CHN2: variants seen among roughly 807,000 people sequenced by gnomAD.
The protein encoded by CHN2 is chimerin 2.
Under a neutral mutation model 56.3 loss-of-function variants are expected in CHN2, and 35 were observed. The ratio of observed to expected loss-of-function variants is 0.62; its 90% CI spans 0.47 to 0.82. The LOEUF is 0.82. Ranked by LOEUF, CHN2 falls within the 40% of genes least tolerant of loss-of-function variation. The pLI, the probability that CHN2 is intolerant of heterozygous loss-of-function variation, is 0.00. For synonymous variants in CHN2, 210 were observed against 212.8 expected (o/e 0.99, Z 0.12); for missense variants, 491 against 580.5 (o/e 0.85, Z 1.58).
Position 29,493,311 on chromosome 7 carries a change from A to C in CHN2, c.655-2641A>C, listed in dbSNP as rs542638799. ...ATCTAGGTTTGTGCAAGTACGCTCTATGATGATCCCCCTCAATGATGAAAT... is the reference window on the plus strand; with the variant it reads ...ATCTAGGTTTGTGCAAGTACGCTCTCTGATGATCCCCCTCAATGATGAAAT... On this transcript the variant is annotated intron_variant, in intron 7 of 12. Transcript: ENST00000222792. Among the ~76,000 whole-genome samples, 89 of 152,312 alleles carry C rather than the reference A, an allele frequency of 5.8e-4. No individual in the cohort carries two copies. In the South Asian group the frequency reaches 9.5e-3, roughly 16 times the overall value.
intron 2 of CHN2, chr7:29,184,651 A>G (rs910940012): frequency 6.6e-6 from 1 of 152,220 alleles, no homozygotes; most frequent in South Asian, 2.1e-4. Context: ...CAGGCCTTCA[A>G]CTGATGTGAT....
intron 1 of CHN2, among the ~76,000 whole-genome samples, chr7:29,204,457 A>G (rs1449950290): frequency 6.6e-6 from 1 of 152,196 alleles, no homozygotes; most frequent in African/African-American, 2.4e-5. Flanking sequence ...CAAAAAAATA[A>G]CCATTTTGTT....
chr7:29,254,043 T>C (rs2128822735), intron 1 of CHN2, among the ~76,000 whole-genome samples: 1 of 152,342 alleles, frequency 6.6e-6, no homozygotes, highest in East Asian at 1.9e-4. Flanking sequence ...TAGTTGAGAT[T>C]ACAGGCCTGC....
intron 3 of CHN2, among the ~76,000 whole-genome samples, chr7:29,373,579 T>G (rs112422175): frequency 0.014 from 2,111 of 152,322 alleles, 44 homozygotes; most frequent in African/African-American, 0.047. Context: ...CTACCCTCTT[T>G]TATGCAGTTT....
At chr7:29,299,467 C>T (rs775583713) in intron 1 of CHN2, among the ~76,000 whole-genome samples, 1 of 152,024 alleles carries the variant, frequency 6.6e-6, no homozygotes. Flanking sequence ...TGTTCTAGTA[C>T]TTTCAGAAAT....
At chr7:29,206,609 G>A (rs908049720) in intron 1 of CHN2, among the ~76,000 whole-genome samples, 7 of 152,096 alleles carry the variant, frequency 4.6e-5, no homozygotes, top group African/African-American at 7.2e-5. Flanking sequence ...TTATTTGCAT[G>A]TACTTGCAAC....
chr7:29,325,733 C>T (rs1266685854), intron 1 of CHN2, among the ~76,000 whole-genome samples: 10 of 152,150 alleles, frequency 6.6e-5, no homozygotes, highest in African/African-American at 1.2e-4. Context: ...TGCTCACTTA[C>T]GGCTGGTCTG....
intron 1 of CHN2, 91 bp downstream of exon 1, chr7:29,195,081 G>C: frequency 7.3e-7 from 1 of 1,375,190 alleles, no homozygotes; most frequent in Non-Finnish European, 9.9e-7. Context: ...GCCTACCTGT[G>C]GCCATCCCGC....
At chr7:29,242,687 A>T (rs1227833669) in intron 1 of CHN2, among the ~76,000 whole-genome samples, 1 of 144,816 alleles carries the variant, frequency 6.9e-6, no homozygotes, top group Non-Finnish European at 1.5e-5. Context: ...GAAGGGTACA[A>T]GTTTAAATGC....
chr7:29,324,892 C>T, intron 1 of CHN2, among the ~76,000 whole-genome samples: 1 of 152,132 alleles, frequency 6.6e-6, no homozygotes, highest in East Asian at 1.9e-4. Flanking sequence ...GGGATAAGAA[C>T]AAGAAATACT....
chr7:29,458,590 G>A (rs574345475), intron 6 of CHN2, among the ~76,000 whole-genome samples: 28 of 152,258 alleles, frequency 1.8e-4, no homozygotes, highest in African/African-American at 6.7e-4. Flanking sequence ...ATTTGAAGAT[G>A]GAAAGTGGTC....
At chr7:29,187,480 T>C (rs2128750334) in intron 2 of CHN2, among the ~76,000 whole-genome samples, 1 of 152,178 alleles carries the variant, frequency 6.6e-6, no homozygotes, top group East Asian at 1.9e-4. Flanking sequence ...TCCCAGCACT[T>C]TGGGAGGCCG....
At chr7:29,374,254 C>T (rs1401345624) in intron 3 of CHN2, among the ~76,000 whole-genome samples, 1 of 152,056 alleles carries the variant, frequency 6.6e-6, no homozygotes. Flanking sequence ...TTTCTTGATG[C>T]AGTTTTCTTC....
intron 3 of CHN2, among the ~76,000 whole-genome samples, chr7:29,373,643 A>G (rs1354883471): frequency 6.6e-6 from 1 of 152,014 alleles, no homozygotes; most frequent in African/African-American, 2.4e-5. Flanking sequence ...TTCTATCTTT[A>G]TTTCTAAAAA....
chr7:29,393,634 T>C (rs2128075446), intron 3 of CHN2, 45 bp from the exon 4 acceptor site: 1 of 810,680 alleles, frequency 1.2e-6, no homozygotes, highest in East Asian at 6.0e-5. Flanking sequence ...ATCTAGCTGA[T>C]TTGAATTCAA....
chr7:29,511,107 A>G (rs1215611967), intron 12 of CHN2, among the ~76,000 whole-genome samples: 1 of 152,208 alleles, frequency 6.6e-6, no homozygotes, highest in Non-Finnish European at 1.5e-5. Context: ...AATTGTCTAC[A>G]TTGACCAGTT....
chr7:29,264,295 A>G (rs548054174), intron 1 of CHN2, among the ~76,000 whole-genome samples: 1 of 151,754 alleles, frequency 6.6e-6, no homozygotes, highest in African/African-American at 2.4e-5. Context: ...GCCCGGCCGT[A>G]ACCCCGTCTG....
chr7:29,441,661 C>T (rs1486803351), intron 6 of CHN2, among the ~76,000 whole-genome samples: 1 of 152,006 alleles, frequency 6.6e-6, no homozygotes, highest in African/African-American at 2.4e-5. Flanking sequence ...CACAAATGGC[C>T]AATAAGCACA....
At chr7:29,254,827 G>T (rs769689794) in intron 1 of CHN2, among the ~76,000 whole-genome samples, 1 of 152,156 alleles carries the variant, frequency 6.6e-6, no homozygotes, top group Non-Finnish European at 1.5e-5. Context: ...TAGACTTGTT[G>T]TGCAAGGGAG....
Sources: allele counts gnomAD v4.1 joint callset (sites outside exome capture counted in the v4.1 genomes callset), GRCh38; gene constraint gnomAD v4.1.1; transcripts MANE v1.5; gene names NCBI Gene and HGNC (gene_info 2026-07-23, HGNC 2026-07-21).